RSRC2: variants seen among roughly 807,000 people sequenced by gnomAD.
RSRC2 encodes the protein arginine and serine rich coiled-coil 2.
Under a neutral mutation model 61.3 loss-of-function variants are expected in RSRC2, and 5 were observed. The observed-to-expected ratio is 0.08, with a 90% CI of 0.04 to 0.17. The LOEUF is 0.17. Ranked by LOEUF, RSRC2 falls within the 10% of genes least tolerant of loss-of-function variation. The pLI is 1.00. For missense variants in RSRC2, 381 were observed against 518.8 expected (o/e 0.73, Z 2.58); for synonymous variants, 202 against 166.5 (o/e 1.21, Z -1.64).
At chr12:122,512,560 G>A (rs1029849615) in intron 6 of RSRC2, among the ~76,000 whole-genome samples, 5 of 151,856 alleles carry the variant, frequency 3.3e-5, no homozygotes, top group South Asian at 2.1e-4. Context: ...GTGAAATCCC[G>A]CATCTACTAA....
At chr12:122,519,477 G>C (rs2137527963) in intron 3 of RSRC2, 1 of 157,726 alleles carries the variant, frequency 6.3e-6, no homozygotes, top group African/African-American at 2.4e-5. Context: ...TTATTACTAA[G>C]TACTAATATT....
chr12:122,507,902 G>A (rs1329726622), intron 8 of RSRC2: 1 of 388,420 alleles, frequency 2.6e-6, no homozygotes, highest in Non-Finnish European at 4.9e-6. Flanking sequence ...CCAGGCTCAA[G>A]CGATTCTCCT....
intron 6 of RSRC2, among the ~76,000 whole-genome samples, chr12:122,513,437 T>C (rs758420295): frequency 6.6e-6 from 1 of 151,898 alleles, no homozygotes; most frequent in Non-Finnish European, 1.5e-5. Context: ...ATTAAAGAAC[T>C]ACATTTAAAA....
rs139519003 is a variant in RSRC2, at chr12:122,524,156, T to C, written c.7-1857A>G. 3.6e-3 allele frequency among the ~76,000 whole-genome samples: 548 copies of C among 152,362 alleles called. 6 individuals carry two copies. Among genetic ancestry groups the C allele is most frequent in the Admixed American group, 0.012 (184 of 15,294 alleles). On this transcript the variant is annotated intron_variant, in intron 1 of 9. Coordinates refer to ENST00000331738, the MANE Select transcript of RSRC2 (RefSeq NM_023012.6). ...GCAACATTAGCTGACTTGCTTAAAATGATACTGCATCTCCGTATCTTTACT... is the reference window on the plus strand; with the variant it reads ...GCAACATTAGCTGACTTGCTTAAAACGATACTGCATCTCCGTATCTTTACT...
chr12:122,518,152 T>G (rs766003125), intron 4 of RSRC2, among the ~76,000 whole-genome samples: 1 of 151,930 alleles, frequency 6.6e-6, no homozygotes, highest in Non-Finnish European at 1.5e-5. Context: ...ACTAAGAGAT[T>G]AGCTGGGTGT....
intron 3 of RSRC2, chr12:122,521,008 A>C (rs930931035): frequency 4.4e-6 from 1 of 224,984 alleles, no homozygotes; most frequent in African/African-American, 2.3e-5. Flanking sequence ...CAGCGCACAG[A>C]TATCTAGGGT....
At chr12:122,516,769 T>C (rs1958963984) in intron 5 of RSRC2, among the ~76,000 whole-genome samples, 2 of 152,222 alleles carry the variant, frequency 1.3e-5, no homozygotes, top group Admixed American at 1.3e-4. Flanking sequence ...CTTGGCTCAC[T>C]GCAACCTCTG....
intron 6 of RSRC2, among the ~76,000 whole-genome samples, chr12:122,511,678 C>A (rs1435071556): frequency 2.6e-5 from 4 of 152,124 alleles, no homozygotes; most frequent in Admixed American, 1.3e-4. Context: ...GTCAAGCAAA[C>A]CTTGCCATTC....
At position 122,515,761 on chromosome 12, in the gene RSRC2, G is replaced by A. The variant is rs535674831; in HGVS notation, c.603-534C>T. Among the ~76,000 whole-genome samples the A allele has an allele frequency of 4.6e-5, 7 of 152,262 alleles. No individual in the cohort carries two copies. The East Asian group carries it at 9.7e-4, about 21-fold the overall frequency. On this transcript the variant is annotated intron_variant, in intron 5 of 9. Transcript: ENST00000331738. ...TCCCAGAACTTTGGGAAGCTCAGGC[G>A]GACAGATGACCTGAGGTCAGGAGTT...
At chr12:122,522,022 G>T in intron 2 of RSRC2, 121 bp downstream of exon 2, 1 of 1,029,622 alleles carries the variant, frequency 9.7e-7, no homozygotes, top group Non-Finnish European at 1.4e-6. Flanking sequence ...CAAAGTGCTG[G>T]CATTACAGGC....
chr12:122,517,019 C>T (rs1025901810), intron 5 of RSRC2, among the ~76,000 whole-genome samples: 5 of 152,172 alleles, frequency 3.3e-5, no homozygotes, highest in Non-Finnish European at 7.3e-5. Flanking sequence ...ACCTGCACTT[C>T]GCAAGAGATT....
rs946298346 is a variant in RSRC2, at chr12:122,505,397, T to C, written c.*130A>G. 2.4e-5 allele frequency: 19 copies of C among 803,980 alleles called. No individual in the cohort carries two copies. The highest frequency in any genetic ancestry group is 5.3e-5 in the East Asian group (2 of 37,612). The allele number at this position is 803,980 out of a possible 1,614,324, so 49.8% of individuals were successfully genotyped here. On this transcript the variant is annotated 3_prime_UTR_variant, in exon 10 of 10. Coordinates refer to ENST00000331738, the MANE Select transcript of RSRC2 (RefSeq NM_023012.6). The stretch of plus-strand genomic sequence containing the variant: ...ATCACTGATCTGATATTTACAAAAA[T>C]TTGTATTTTTCAATAAATTAAAGTC...
chr12:122,524,741 G>A (rs1216662768), intron 1 of RSRC2, among the ~76,000 whole-genome samples: 1 of 152,138 alleles, frequency 6.6e-6, no homozygotes, highest in African/African-American at 2.4e-5. Flanking sequence ...TTTTATAGTA[G>A]CATAATACAG....
At position 122,522,161 on chromosome 12, in the gene RSRC2, C is replaced by T. The variant is rs769732884; in HGVS notation, c.145G>A (p.Glu49Lys). Residue 49 changes from glutamate (E) to lysine (K), a missense_variant, in exon 2 of 10, where the codon GAA (glutamate) becomes AAA (lysine). Physicochemically the swap from Glu to Lys is moderately conservative, Grantham distance 56. Transcript: ENST00000331738. ...TTCATACCTGACTTTCGTTTTCTTT[C>T]TCTTGACCTTGATCGTGATCTTGAA... The part of the protein sequence containing the change: ...HYSRSRSRSR[E>K]RKRKSDNEGR... 6.2e-7 allele frequency: 1 copy of T among 1,612,110 alleles called. No homozygotes were observed. The highest frequency in any genetic ancestry group is 8.5e-7 in the Non-Finnish European group (1 of 1,179,510).
chr12:122,510,031 A>G (rs1404569733), intron 7 of RSRC2, among the ~76,000 whole-genome samples: 1 of 152,160 alleles, frequency 6.6e-6, no homozygotes, highest in Non-Finnish European at 1.5e-5. Flanking sequence ...CATGTTGGCC[A>G]GGCTGGTCTT....
At chr12:122,523,816 T>C (rs1190041524) in intron 1 of RSRC2, 3 of 152,182 alleles carry the variant, frequency 2.0e-5, no homozygotes, top group Non-Finnish European at 4.4e-5. Context: ...TCGAGTTACT[T>C]CAACAAGTAT....
At chr12:122,507,567 C>A (rs1291579977) in intron 8 of RSRC2, among the ~76,000 whole-genome samples, 2 of 150,642 alleles carry the variant, frequency 1.3e-5, no homozygotes, top group Non-Finnish European at 2.9e-5. Context: ...CTTTTCCTTA[C>A]TACTTCTATG....
Position 122,504,003 on chromosome 12 carries a change from G to C in RSRC2, c.*1524C>G, listed in dbSNP as rs1957997149. On this transcript the variant is annotated 3_prime_UTR_variant, in exon 10 of 10. Transcript: ENST00000331738. ...AGGCTGAGGTGGGAGGACTGCTTGAGCCTGGGGGAGCCTGCTGCAATGCAC... is the reference window on the plus strand; with the variant it reads ...AGGCTGAGGTGGGAGGACTGCTTGACCCTGGGGGAGCCTGCTGCAATGCAC... 1 of 152,010 alleles carries C rather than the reference G, an allele frequency of 6.6e-6. No homozygotes were observed. Among genetic ancestry groups the C allele is most frequent in the African/African-American group, 2.4e-5 (1 of 41,372 alleles). 9.4% of individuals were successfully genotyped at this position (152,010 alleles called of 1,614,324 possible).
At chr12:122,515,889 T>C (rs1174870948) in intron 5 of RSRC2, among the ~76,000 whole-genome samples, 1 of 152,212 alleles carries the variant, frequency 6.6e-6, no homozygotes, top group South Asian at 2.1e-4. Context: ...CTCGGGAGGC[T>C]GAGGCAGGAA....
Sources: gnomAD v4.1 joint callset for allele counts (sites outside exome capture counted in the v4.1 genomes callset) on GRCh38, gnomAD v4.1.1 for gene constraint, MANE v1.5 for transcripts, NCBI Gene and HGNC (gene_info 2026-07-23, HGNC 2026-07-21) for gene names.